PSMB7: variants seen among roughly 807,000 people sequenced by gnomAD.
PSMB7 encodes the protein proteasome subunit beta type-7.
A neutral mutation model predicts 28.1 loss-of-function variants in PSMB7; 5 were observed. The observed-to-expected ratio is 0.18, with a 90% confidence interval of 0.09 to 0.37. The LOEUF is 0.37. Among genes scored for constraint, PSMB7 ranks in the 10% least tolerant of loss-of-function variants. PSMB7 has a pLI of 1.00. For missense variants in PSMB7, 275 were observed against 346.2 expected (o/e 0.79, Z 1.63); for synonymous variants, 122 against 123.7 (o/e 0.99, Z 0.09).
At chr9:124,380,577 A>C (rs998092429) in intron 6 of PSMB7, among the ~76,000 whole-genome samples, 67 of 152,298 alleles carry the variant, frequency 4.4e-4, no homozygotes, top group African/African-American at 1.5e-3. Context: ...GAACCAGTAC[A>C]TCAAACCCAG....
At chr9:124,355,261 C>G (rs755793178) in intron 7 of PSMB7, among the ~76,000 whole-genome samples, 2 of 152,244 alleles carry the variant, frequency 1.3e-5, no homozygotes, top group African/African-American at 2.4e-5. Flanking sequence ...CTTGCTGATT[C>G]TTCCCAAGCA....
chr9:124,397,359 T>C (rs1172426391), intron 5 of PSMB7, among the ~76,000 whole-genome samples: 1 of 152,006 alleles, frequency 6.6e-6, no homozygotes, highest in African/African-American at 2.4e-5. Context: ...CCACCAGGAG[T>C]CTGATATATT....
intron 7 of PSMB7, among the ~76,000 whole-genome samples, chr9:124,355,682 CTCATTAGAGG>C (rs1830397053): frequency 6.6e-6 from 1 of 152,204 alleles, no homozygotes; most frequent in Non-Finnish European, 1.5e-5. Flanking sequence ...ACTTCGTGGG[CTCATTAGAGG>C]TCATCTGGTT....
chr9:124,392,732 A>G (rs1227122812), intron 5 of PSMB7, among the ~76,000 whole-genome samples: 1 of 152,128 alleles, frequency 6.6e-6, no homozygotes, highest in African/African-American at 2.4e-5. Context: ...TTTCTTTCTC[A>G]AAGTCATGAA....
chr9:124,414,625 AG>A, intron 2 of PSMB7, among the ~76,000 whole-genome samples: 1 of 143,528 alleles, frequency 7.0e-6, no homozygotes, highest in Non-Finnish European at 1.5e-5. Flanking sequence ...AAAAAAAAAA[AG>A]AAAGAAAGAA....
intron 7 of PSMB7, among the ~76,000 whole-genome samples, chr9:124,355,569 T>TG (rs1237179041): frequency 6.6e-6 from 1 of 152,234 alleles, no homozygotes; most frequent in African/African-American, 2.4e-5. Context: ...GCAGGCTACA[T>TG]GGAGTACTTG....
intron 5 of PSMB7, among the ~76,000 whole-genome samples, chr9:124,392,516 G>A (rs1322482244): frequency 2.0e-5 from 3 of 152,214 alleles, no homozygotes; most frequent in Non-Finnish European, 4.4e-5. Flanking sequence ...CAGGGGACAG[G>A]AGGTGCCTTC....
intron 4 of PSMB7, among the ~76,000 whole-genome samples, chr9:124,406,224 C>A (rs1356116228): frequency 6.6e-6 from 1 of 152,040 alleles, no homozygotes; most frequent in Non-Finnish European, 1.5e-5. Context: ...CCACAAAGGC[C>A]AGGCATGGTG....
chr9:124,406,859 G>A (rs939002996), intron 4 of PSMB7, among the ~76,000 whole-genome samples: 5 of 151,842 alleles, frequency 3.3e-5, no homozygotes, highest in African/African-American at 1.2e-4. Context: ...AACATTAGGA[G>A]GCCAATGTTA....
intron 1 of PSMB7, 71 bp from the exon 2 acceptor site, chr9:124,415,006 C>A: frequency 9.6e-7 from 1 of 1,043,488 alleles, no homozygotes; most frequent in South Asian, 1.5e-5. Flanking sequence ...TGAAAAGTGC[C>A]TAACAGAGAA....
At position 124,356,972 on chromosome 9, in the gene PSMB7, A is replaced by C; in HGVS notation, c.571-57T>G. The C allele has an allele frequency of 6.2e-7, 1 of 1,602,988 alleles. No homozygotes were observed. The highest frequency in any genetic ancestry group is 1.1e-5 in the South Asian group (1 of 90,090). ...CGGCCAAACTAGGGCCTGCTCTGAC[A>C]TCCGCAATGTACGTCCACTAGCAGT... is the stretch of plus-strand genomic sequence containing the variant. On this transcript the variant is annotated intron_variant, in intron 6 of 7. Coordinates refer to ENST00000259457, the MANE Select transcript of PSMB7 (RefSeq NM_002799.4). The surrounding 1 kb of genome is among the most constrained non-coding windows in gnomAD (Gnocchi z 4.4).
In PSMB7 at chr9:124,390,199, A is replaced by G. The variant is rs182773588; in HGVS notation, c.512-5543T>C. On this transcript the variant is annotated intron_variant, in intron 5 of 7. Transcript: ENST00000259457. ...ATTAGCAAAGATTAAAAAGAATAAT[A>G]GTGCTGACAAAGGTGTGATCAAATG... is the stretch of plus-strand genomic sequence containing the variant. Among the ~76,000 whole-genome samples the G allele has an allele frequency of 3.0e-3, 457 of 152,368 alleles. 6 individuals carry two copies. Among genetic ancestry groups the G allele is most frequent in the Admixed American group, 6.7e-3 (103 of 15,310 alleles).
At chr9:124,393,785 GT>G (rs1830814658) in intron 5 of PSMB7, among the ~76,000 whole-genome samples, 1 of 152,220 alleles carries the variant, frequency 6.6e-6, no homozygotes, top group Non-Finnish European at 1.5e-5. Context: ...AATGTGAGAG[GT>G]TTTATTTCAT....
At position 124,355,593 on chromosome 9, in the gene PSMB7, T is replaced by C. The variant is rs548777837; in HGVS notation, c.722+1171A>G. 2.6e-4 allele frequency among the ~76,000 whole-genome samples: 40 copies of C among 152,348 alleles called. 4 individuals are homozygous for C. Among genetic ancestry groups the C allele is most frequent in the South Asian group, 2.5e-3 (12 of 4,830 alleles). ...ATGGAGTACTTGGCTCCTGCCTACC[T>C]GGAGCTCGGCAAAGCCCGGTTCCCC... On this transcript the variant is annotated intron_variant, in intron 7 of 7. Coordinates refer to ENST00000259457, the MANE Select transcript of PSMB7 (RefSeq NM_002799.4).
chr9:124,363,963 G>T (rs1588568262), intron 6 of PSMB7, among the ~76,000 whole-genome samples: 1 of 152,156 alleles, frequency 6.6e-6, no homozygotes, highest in Non-Finnish European at 1.5e-5. Flanking sequence ...GTCACTCTCT[G>T]AGCCAAAGAG....
chr9:124,412,220 TAAC>T (rs1294222234), intron 4 of PSMB7, 129 bp downstream of exon 4: 3 of 993,424 alleles, frequency 3.0e-6, no homozygotes, highest in Non-Finnish European at 4.4e-6. Flanking sequence ...CTCTTTAATA[TAAC>T]AACTGATTTC....
At chr9:124,354,413 A>G (rs1003215954) in intron 7 of PSMB7, among the ~76,000 whole-genome samples, 2 of 152,208 alleles carry the variant, frequency 1.3e-5, no homozygotes, top group African/African-American at 4.8e-5. Flanking sequence ...GCAGCACACA[A>G]CCAACTGTTC....
chr9:124,415,285 G>GT, intron 1 of PSMB7, 79 bp downstream of exon 1: 1 of 1,420,500 alleles, frequency 7.0e-7, no homozygotes, highest in Non-Finnish European at 9.9e-7. Context: ...CAGAATTCTC[G>GT]TATCACACCT....
At chr9:124,369,515 A>C (rs529553449) in intron 6 of PSMB7, among the ~76,000 whole-genome samples, 1 of 152,306 alleles carries the variant, frequency 6.6e-6, no homozygotes, top group South Asian at 2.1e-4. Flanking sequence ...GCAGCTTTCT[A>C]AACTAAATAT....
Sources: gnomAD v4.1 joint callset for allele counts (sites outside exome capture counted in the v4.1 genomes callset) on GRCh38, gnomAD v4.1.1 for gene constraint, Gnocchi (gnomAD v3.1) non-coding constraint, MANE v1.5 for transcripts, NCBI Gene and HGNC (gene_info 2026-07-23, HGNC 2026-07-21) for gene names.